The following PDIA5 variants were observed in gnomAD, a reference collection of about 807,000 sequenced individuals.
The protein encoded by PDIA5 is protein disulfide-isomerase A5.
Under a neutral mutation model 77.6 loss-of-function variants are expected in PDIA5, and 58 were observed. The observed-to-expected ratio is 0.75, with a 90% CI of 0.61 to 0.93. PDIA5 has a LOEUF of 0.93. Ranked by LOEUF, PDIA5 falls within the 40% of genes least tolerant of loss-of-function variation. The pLI is 0.00. For missense variants in PDIA5, 630 were observed against 647.7 expected (o/e 0.97, Z 0.30); for synonymous variants, 250 against 252.1 (o/e 0.99, Z 0.08).
intron 3 of PDIA5, among the ~76,000 whole-genome samples, chr3:123,101,988 C>T (rs1293422095): frequency 7.2e-6 from 1 of 139,196 alleles, no homozygotes; most frequent in African/African-American, 2.7e-5. Flanking sequence ...TGGCTCACTG[C>T]AACCTCTGCC....
intron 13 of PDIA5, among the ~76,000 whole-genome samples, chr3:123,147,979 G>C (rs961130145): frequency 6.6e-6 from 1 of 152,140 alleles, no homozygotes; most frequent in African/African-American, 2.4e-5. Flanking sequence ...CGAGCATGAG[G>C]GGCCTCTGTC....
chr3:123,151,361 G>C (rs1232581658), intron 14 of PDIA5, among the ~76,000 whole-genome samples: 2 of 152,250 alleles, frequency 1.3e-5, no homozygotes, highest in Admixed American at 6.5e-5. Context: ...CTGGCATTAG[G>C]GGGTGGAGGA....
At chr3:123,111,129 T>C (rs1010705479) in intron 7 of PDIA5, 125 bp downstream of exon 7, 1 of 718,430 alleles carries the variant, frequency 1.4e-6, no homozygotes, top group Non-Finnish European at 2.5e-6. Flanking sequence ...ACGCTGAATC[T>C]CATCTCTCCA....
chr3:123,116,913 C>T (rs1284609705), intron 8 of PDIA5, among the ~76,000 whole-genome samples: 1 of 150,436 alleles, frequency 6.6e-6, no homozygotes, highest in Non-Finnish European at 1.5e-5. Flanking sequence ...GGGATGCCCA[C>T]CTCTACAGGA....
At chr3:123,117,479 C>T (rs1935025367) in intron 8 of PDIA5, among the ~76,000 whole-genome samples, 1 of 149,136 alleles carries the variant, frequency 6.7e-6, no homozygotes, top group South Asian at 2.1e-4. Context: ...CCCGTCTTAG[C>T]CTCCTGAATA....
intron 5 of PDIA5, among the ~76,000 whole-genome samples, chr3:123,105,536 C>T (rs939966184): frequency 1.3e-5 from 2 of 152,196 alleles, no homozygotes; most frequent in Admixed American, 1.3e-4. Context: ...CGTTTCACAG[C>T]TCCACTTGGA....
At chr3:123,068,468 G>T (rs545318245) in intron 1 of PDIA5, among the ~76,000 whole-genome samples, 1 of 152,276 alleles carries the variant, frequency 6.6e-6, no homozygotes, top group South Asian at 2.1e-4. Flanking sequence ...ACTTAATTGC[G>T]TCTGGGTTTG....
At chr3:123,101,249 A>G (rs906128900) in intron 3 of PDIA5, among the ~76,000 whole-genome samples, 1 of 152,194 alleles carries the variant, frequency 6.6e-6, no homozygotes, top group African/African-American at 2.4e-5. Context: ...TTCAAACCCA[A>G]TTGCTCAGGT....
rs894594685 is a variant in PDIA5, at chr3:123,109,693, G to GA, written c.481-1241dup. On this transcript the variant is annotated intron_variant, in intron 6 of 16. Coordinates refer to ENST00000316218, the MANE Select transcript of PDIA5 (RefSeq NM_006810.4). ...TTAGAAAATGCACCTTCAGCAGAAA[G>GA]AAAAAAAAAATCACCTCATACCTTT... Among the ~76,000 whole-genome samples, 20 of 148,988 alleles carry GA rather than the reference G, an allele frequency of 1.3e-4. No homozygotes were observed. The East Asian group carries it at 1.8e-3, about 13-fold the overall frequency.
At chr3:123,114,830 C>T (rs1324262123) in intron 7 of PDIA5, among the ~76,000 whole-genome samples, 1 of 152,204 alleles carries the variant, frequency 6.6e-6, no homozygotes, top group African/African-American at 2.4e-5. Flanking sequence ...CGAAACAGCT[C>T]CTTTTCTCCT....
intron 11 of PDIA5, 174 bp from the exon 12 acceptor site, chr3:123,145,348 C>G: frequency 1.7e-6 from 1 of 584,260 alleles, no homozygotes; most frequent in Non-Finnish European, 3.0e-6. Flanking sequence ...TTCCCACTAC[C>G]CCAACCCACT....
chr3:123,119,820 A>T (rs916993601), intron 8 of PDIA5, among the ~76,000 whole-genome samples: 1 of 152,120 alleles, frequency 6.6e-6, no homozygotes, highest in Non-Finnish European at 1.5e-5. Flanking sequence ...GTCATCTTTG[A>T]GCCTTTTTGG....
rs995814304 is a variant in PDIA5, at chr3:123,142,671, C to T, written c.911-2851C>T. On this transcript the variant is annotated intron_variant, in intron 11 of 16. Transcript: ENST00000316218. ...AGAATATCTGCTGTGGAGAACAAGGCCAGGAACAGCCAGGCTGTCTTGCCC... is the reference window on the plus strand; with the variant it reads ...AGAATATCTGCTGTGGAGAACAAGGTCAGGAACAGCCAGGCTGTCTTGCCC... 3.3e-5 allele frequency among the ~76,000 whole-genome samples: 5 copies of T among 152,304 alleles called. No homozygotes were observed. In the East Asian group the frequency reaches 7.7e-4, roughly 24 times the overall value.
chr3:123,092,252 C>T (rs941227877), intron 2 of PDIA5, 103 bp from the exon 3 acceptor site: 3 of 879,170 alleles, frequency 3.4e-6, no homozygotes, highest in African/African-American at 3.3e-5. Context: ...TCTCCACCCC[C>T]TCTAGGATTG....
chr3:123,152,108 CCTTCCT>C, intron 14 of PDIA5, among the ~76,000 whole-genome samples: 1 of 48,404 alleles, frequency 2.1e-5, no homozygotes, highest in Non-Finnish European at 4.1e-5. Flanking sequence ...TGCCTTCCTT[CCTTCCT>C]TCCTTCCTTC....
chr3:123,132,394 A>G (rs1200458474), intron 11 of PDIA5, among the ~76,000 whole-genome samples: 2 of 152,212 alleles, frequency 1.3e-5, no homozygotes, highest in East Asian at 3.9e-4. Flanking sequence ...GGAGACTCTA[A>G]AGGAATAGCT....
chr3:123,124,210 A>G (rs1935188824), intron 9 of PDIA5, 53 bp downstream of exon 9: 6 of 1,570,700 alleles, frequency 3.8e-6, no homozygotes, highest in Admixed American at 1.7e-5. Context: ...GTGATTGACC[A>G]TAATCTCAGG....
At chr3:123,107,529 A>G (rs1934765661) in intron 6 of PDIA5, among the ~76,000 whole-genome samples, 1 of 152,140 alleles carries the variant, frequency 6.6e-6, no homozygotes, top group South Asian at 2.1e-4. Flanking sequence ...CATCTCTAAA[A>G]AAATAAAGAA....
chr3:123,103,431 G>A (rs575560006), intron 5 of PDIA5, among the ~76,000 whole-genome samples: 34 of 152,254 alleles, frequency 2.2e-4, no homozygotes, highest in Non-Finnish European at 4.0e-4. Context: ...CTGGTCCTGC[G>A]CTGGCTGAAG....
Sources: allele counts gnomAD v4.1 joint callset (sites outside exome capture counted in the v4.1 genomes callset), GRCh38; gene constraint gnomAD v4.1.1; transcripts MANE v1.5; gene names NCBI Gene and HGNC (gene_info 2026-07-23, HGNC 2026-07-21).